The following CRTAC1 variants were observed in gnomAD, a reference collection of about 807,000 sequenced individuals.
CRTAC1 encodes the protein cartilage acidic protein 1.
In CRTAC1, 37 loss-of-function variants were observed where a neutral mutation model predicts 67.8. The observed-to-expected ratio is 0.55, with a 90% confidence interval of 0.42 to 0.72. CRTAC1 has a LOEUF of 0.72. CRTAC1 is among the 30% of genes least tolerant of loss of function. CRTAC1 has a pLI of 0.00. For synonymous variants in CRTAC1, 348 were observed against 371.0 expected (o/e 0.94, Z 0.71); for missense variants, 780 against 931.6 (o/e 0.84, Z 2.12).
At chr10:98,002,134 A>T (rs939186217) in intron 2 of CRTAC1, among the ~76,000 whole-genome samples, 2 of 152,238 alleles carry the variant, frequency 1.3e-5, no homozygotes, top group Admixed American at 6.5e-5. Context: ...CCGCTTAAAA[A>T]AAATGGGAAT....
Position 97,895,822 on chromosome 10 carries a change from C to T in CRTAC1, c.1317+63G>A. The T allele has an allele frequency of 7.1e-7, 1 of 1,415,356 alleles. No homozygotes were observed. The highest frequency in any genetic ancestry group is 9.9e-7 in the Non-Finnish European group (1 of 1,006,304). 87.7% of individuals were successfully genotyped at this position (1,415,356 alleles called of 1,614,324 possible). On this transcript the variant is annotated intron_variant, in intron 10 of 14. Coordinates refer to ENST00000370597, the MANE Select transcript of CRTAC1 (RefSeq NM_018058.7). This position sits in a 1 kb window ranked among gnomAD's most constrained non-coding sequence, Gnocchi z 4.2. ...CCAGCACCCCGGCACCTTGCCCTCA[C>T]CAACTCAAGGTACCCGAGAGCACAC... is the stretch of plus-strand genomic sequence containing the variant.
chr10:97,925,224 T>C (rs1043196478), intron 3 of CRTAC1, among the ~76,000 whole-genome samples: 18 of 152,184 alleles, frequency 1.2e-4, no homozygotes, highest in Non-Finnish European at 2.2e-4. Flanking sequence ...TGAGCTGTGA[T>C]TGTGCCACTG....
intron 8 of CRTAC1, 123 bp downstream of exon 8, chr10:97,901,380 T>C (rs1388123542): frequency 1.7e-6 from 2 of 1,156,774 alleles, no homozygotes; most frequent in African/African-American, 3.1e-5. Flanking sequence ...GGACCTGTGT[T>C]GACCTTGGCC....
intron 1 of CRTAC1, among the ~76,000 whole-genome samples, chr10:98,016,285 T>C (rs369138631): frequency 6.6e-6 from 1 of 152,208 alleles, no homozygotes; most frequent in Non-Finnish European, 1.5e-5. Context: ...GAAACCATCA[T>C]AGTGCCTGGT....
At chr10:97,935,106 C>T (rs1373739964) in intron 3 of CRTAC1, among the ~76,000 whole-genome samples, 2 of 152,086 alleles carry the variant, frequency 1.3e-5, no homozygotes, top group Non-Finnish European at 2.9e-5. Context: ...TGAGGAAAGC[C>T]GTAGAGCATC....
chr10:97,926,932 G>A, intron 3 of CRTAC1, among the ~76,000 whole-genome samples: 1 of 152,262 alleles, frequency 6.6e-6, no homozygotes, highest in East Asian at 1.9e-4. Flanking sequence ...AGCAGCCCTT[G>A]CCCATCTCTG....
Position 97,865,458 on chromosome 10 carries a change from C to G in CRTAC1, c.*90G>C. On this transcript the variant is annotated 3_prime_UTR_variant, in exon 15 of 15. Coordinates refer to ENST00000370597, the MANE Select transcript of CRTAC1 (RefSeq NM_018058.7). ...CTTGGGGAGGGTCTAGCTCCCAGGC[C>G]TTTACATCCCTACTGTCTAGGCAGC... is the stretch of plus-strand genomic sequence containing the variant. 6.7e-7 allele frequency: 1 copy of G among 1,490,910 alleles called. No homozygotes were observed. The highest frequency in any genetic ancestry group is 1.4e-5 in the African/African-American group (1 of 71,756). 92.4% of individuals were successfully genotyped at this position (1,490,910 alleles called of 1,614,324 possible).
chr10:97,880,224 G>A (rs765848289), intron 14 of CRTAC1, 25 bp downstream of exon 14: 3 of 1,611,660 alleles, frequency 1.9e-6, no homozygotes, highest in Admixed American at 3.3e-5. Flanking sequence ...TTTTGCTACT[G>A]GCCTATGGCT....
intron 1 of CRTAC1, among the ~76,000 whole-genome samples, chr10:98,026,612 G>A (rs1843237667): frequency 6.6e-6 from 1 of 152,080 alleles, no homozygotes; most frequent in East Asian, 1.9e-4. Context: ...CCTCTCCGGT[G>A]GTCCACGTGA....
chr10:97,929,662 A>C (rs1347244924), intron 3 of CRTAC1, among the ~76,000 whole-genome samples: 1 of 152,224 alleles, frequency 6.6e-6, no homozygotes, highest in Non-Finnish European at 1.5e-5. Context: ...AAATGGAATG[A>C]GAATGGCCAC....
At chr10:97,941,826 A>G (rs2051181793) in intron 2 of CRTAC1, among the ~76,000 whole-genome samples, 1 of 152,172 alleles carries the variant, frequency 6.6e-6, no homozygotes, top group Non-Finnish European at 1.5e-5. Context: ...TGCATAAATC[A>G]GATCATAGCT....
chr10:97,907,445 A>G (rs1476802034), intron 6 of CRTAC1, among the ~76,000 whole-genome samples: 1 of 151,982 alleles, frequency 6.6e-6, no homozygotes, highest in Non-Finnish European at 1.5e-5. Context: ...GAGGAGGAGC[A>G]CAGCTGGGGG....
At chr10:97,950,931 C>T (rs984448329) in intron 2 of CRTAC1, among the ~76,000 whole-genome samples, 2 of 152,172 alleles carry the variant, frequency 1.3e-5, no homozygotes, top group African/African-American at 4.8e-5. Flanking sequence ...TGTGAAGTCA[C>T]GGCTTGAGGA....
chr10:97,890,186 A>C (rs2136549281), intron 11 of CRTAC1, among the ~76,000 whole-genome samples: 1 of 152,260 alleles, frequency 6.6e-6, no homozygotes, highest in South Asian at 2.1e-4. Context: ...TTGTGATCAT[A>C]GCTCACTACA....
intron 2 of CRTAC1, among the ~76,000 whole-genome samples, chr10:97,986,428 G>C (rs2051984678): frequency 6.6e-6 from 1 of 152,136 alleles, no homozygotes; most frequent in Non-Finnish European, 1.5e-5. Flanking sequence ...ATGTTATCTA[G>C]AGCAGTACTT....
chr10:97,975,456 T>A lies in CRTAC1; in HGVS notation c.224+35682A>T, dbSNP rs2051784731. Among the ~76,000 whole-genome samples the A allele has an allele frequency of 6.6e-6, 1 of 152,084 alleles. No homozygotes were observed. The highest frequency in any genetic ancestry group is 1.5e-5 in the Non-Finnish European group (1 of 68,004). ...GAGCCGGCAGACCTCGCTTTCTTCT[T>A]CTTCTTCAGGGAAGAAGCAGCTGGA... is the stretch of plus-strand genomic sequence containing the variant. On this transcript the variant is annotated intron_variant, in intron 2 of 14. Coordinates refer to ENST00000370597, the MANE Select transcript of CRTAC1 (RefSeq NM_018058.7). The surrounding 1 kb of genome is among the most constrained non-coding windows in gnomAD (Gnocchi z 4.8).
At chr10:97,900,543 T>C (rs1246586168) in intron 8 of CRTAC1, among the ~76,000 whole-genome samples, 3 of 131,700 alleles carry the variant, frequency 2.3e-5, no homozygotes, top group Non-Finnish European at 3.2e-5. Context: ...TTGGACCCCA[T>C]AGCCTCTTTT....
chr10:97,887,968 C>T (rs962328430), intron 11 of CRTAC1, among the ~76,000 whole-genome samples: 18 of 152,260 alleles, frequency 1.2e-4, no homozygotes, highest in African/African-American at 3.1e-4. Flanking sequence ...CACATCTCCA[C>T]GAGGAAGGTG....
chr10:97,928,219 AGT>A (rs2050951490), intron 3 of CRTAC1, among the ~76,000 whole-genome samples: 1 of 151,812 alleles, frequency 6.6e-6, no homozygotes, highest in African/African-American at 2.4e-5. Context: ...AGTCCAGTCC[AGT>A]AGAACCACCA....
Sources: allele counts gnomAD v4.1 joint callset (sites outside exome capture counted in the v4.1 genomes callset), GRCh38; gene constraint gnomAD v4.1.1; non-coding constraint Gnocchi (gnomAD v3.1); transcripts MANE v1.5; gene names NCBI Gene and HGNC (gene_info 2026-07-23, HGNC 2026-07-21).